The following ST3GAL2 variants were observed in gnomAD, a reference collection of about 807,000 sequenced individuals.
The protein encoded by ST3GAL2 is ST3 beta-galactoside alpha-2,3-sialyltransferase 2, also known as CMP-N-acetylneuraminate-beta-galactosamide-alpha-2,3-sialyltransferase 2.
ST3GAL2 carries 16 observed loss-of-function variants against 37.5 expected under a neutral mutation model. The observed-to-expected ratio is 0.43, with a 90% CI of 0.29 to 0.65. ST3GAL2 has a LOEUF of 0.65. Among genes scored for constraint, ST3GAL2 ranks in the 30% least tolerant of loss-of-function variants. ST3GAL2 has a pLI of 0.17. For missense variants in ST3GAL2, 383 were observed against 487.8 expected (o/e 0.79, Z 2.02); for synonymous variants, 238 against 202.9 (o/e 1.17, Z -1.47).
chr16:70,388,310 A>C, intron 4 of ST3GAL2, 57 bp downstream of exon 4: 9 of 1,605,502 alleles, frequency 5.6e-6, no homozygotes, highest in Non-Finnish European at 7.7e-6. Context: ...CCCCTAGAAG[A>C]CTCTGCCCAA....
rs935005098 is a variant in ST3GAL2 at position 70,381,147 on chromosome 16, G to T, written c.*542C>A. On this transcript the variant is annotated 3_prime_UTR_variant, in exon 7 of 7. Transcript: ENST00000342907. Reference sequence around the variant, plus strand: ...GCCATCCCACAGCGCGGCCGAGGTGGGACTGGGGGTCCCGCAGCGACCGCT... The same window carrying T: ...GCCATCCCACAGCGCGGCCGAGGTGTGACTGGGGGTCCCGCAGCGACCGCT... The T allele has an allele frequency of 6.6e-6, 1 of 152,478 alleles. No individual in the cohort carries two copies. The highest frequency in any genetic ancestry group is 1.5e-5 in the Non-Finnish European group (1 of 68,156). 9.4% of individuals were successfully genotyped at this position (152,478 alleles called of 1,614,324 possible). A position where few individuals can be genotyped will look rare whatever the true frequency, so the allele number is the denominator to read the frequency against.
chr16:70,393,932 C>T (rs1051803894), intron 3 of ST3GAL2, among the ~76,000 whole-genome samples: 2 of 152,168 alleles, frequency 1.3e-5, no homozygotes, highest in Non-Finnish European at 2.9e-5. Context: ...CTAAGAGATG[C>T]GTGAAAACTG....
rs58998342 is a variant in ST3GAL2, at chr16:70,405,540, T to TA, written c.-1003-6008dup. ...TGGGTGACACAGTGAGACTCCGTCT[T>TA]AAAAAAAAAAAAAAAAAAAAAAAAA... On this transcript the variant is annotated intron_variant, in intron 1 of 6. Coordinates refer to ENST00000342907, the MANE Select transcript of ST3GAL2 (RefSeq NM_006927.4). Among the ~76,000 whole-genome samples, 301 of 101,342 alleles carry TA rather than the reference T, an allele frequency of 3.0e-3. 4 individuals are homozygous for TA. The highest frequency in any genetic ancestry group is 0.01 in the East Asian group (36 of 3,460). The allele number at this position is 101,342 out of a possible 152,430, so 66.5% of individuals were successfully genotyped here. A position where few individuals can be genotyped will look rare whatever the true frequency, so the allele number is the denominator to read the frequency against.
At chr16:70,395,861 T>G (rs894140399) in intron 2 of ST3GAL2, among the ~76,000 whole-genome samples, 2 of 152,166 alleles carry the variant, frequency 1.3e-5, no homozygotes, top group Non-Finnish European at 2.9e-5. Flanking sequence ...AGAGGCAACT[T>G]CAGCCAATTG....
Position 70,384,032 on chromosome 16 carries a change from G to A in ST3GAL2, c.714-797C>T, listed in dbSNP as rs550850462. 3.2e-4 allele frequency among the ~76,000 whole-genome samples: 48 copies of A among 151,932 alleles called. No homozygotes were observed. The East Asian group carries it at 3.5e-3, about 11-fold the overall frequency. On this transcript the variant is annotated intron_variant, in intron 4 of 6. Transcript: ENST00000342907. ...ACCACACCTCCCTGTAGCCAGCCAC[G>A]GCCCCCGTAACCTACATGCCCTTCT... is the stretch of plus-strand genomic sequence containing the variant.
chr16:70,401,075 C>T (rs759469296), intron 1 of ST3GAL2: 3 of 152,272 alleles, frequency 2.0e-5, no homozygotes, highest in Admixed American at 6.5e-5. Flanking sequence ...TTCAGGGTCC[C>T]GCTCCCAGCT....
chr16:70,422,459 A>C (rs1201256993), intron 1 of ST3GAL2, among the ~76,000 whole-genome samples: 2 of 152,136 alleles, frequency 1.3e-5, no homozygotes, highest in African/African-American at 2.4e-5. Context: ...TGAGCAGGAG[A>C]AGCAGACAGG....
intron 1 of ST3GAL2, among the ~76,000 whole-genome samples, chr16:70,415,294 T>C (rs1464950755): frequency 1.3e-5 from 2 of 152,140 alleles, no homozygotes; most frequent in African/African-American, 4.8e-5. Context: ...AGCTGACCCT[T>C]ACCGTGAATA....
At position 70,377,298 on chromosome 16, in the gene ST3GAL2, T is replaced by G. The variant is rs959105383; in HGVS notation, c.*4391A>C. Reference sequence around the variant, plus strand: ...GAGTTCAAGACCAGCCTGACCAACATGGAGAAACCCCGTCTCTACTAAAAA... The same window carrying G: ...GAGTTCAAGACCAGCCTGACCAACAGGGAGAAACCCCGTCTCTACTAAAAA... On this transcript the variant is annotated 3_prime_UTR_variant, in exon 7 of 7. Coordinates refer to ENST00000342907, the MANE Select transcript of ST3GAL2 (RefSeq NM_006927.4). 6 of 143,592 alleles carry G rather than the reference T, an allele frequency of 4.2e-5. No individual in the cohort carries two copies. The highest frequency in any genetic ancestry group is 3.5e-4 in the Admixed American group (5 of 14,168). The allele number at this position is 143,592 out of a possible 1,614,324, so 8.9% of individuals were successfully genotyped here. A position where few individuals can be genotyped will look rare whatever the true frequency, so the allele number is the denominator to read the frequency against.
chr16:70,392,528 G>C (rs2047488765), intron 3 of ST3GAL2, among the ~76,000 whole-genome samples: 1 of 152,220 alleles, frequency 6.6e-6, no homozygotes, highest in African/African-American at 2.4e-5. Flanking sequence ...CGTGCCTACT[G>C]TCTAGCGGGC....
intron 1 of ST3GAL2, among the ~76,000 whole-genome samples, chr16:70,431,992 T>TC (rs2047794617): frequency 6.6e-6 from 1 of 151,016 alleles, no homozygotes; most frequent in African/African-American, 2.4e-5. Flanking sequence ...TATATTTTTT[T>TC]TTAACTTAGC....
chr16:70,397,777 A>G (rs999680615), intron 2 of ST3GAL2, among the ~76,000 whole-genome samples: 1 of 152,198 alleles, frequency 6.6e-6, no homozygotes, highest in African/African-American at 2.4e-5. Context: ...ATGTTCATAA[A>G]TTAGGATATT....
intron 1 of ST3GAL2, among the ~76,000 whole-genome samples, chr16:70,404,597 G>A (rs1004319065): frequency 2.6e-5 from 4 of 152,164 alleles, no homozygotes; most frequent in African/African-American, 9.7e-5. Flanking sequence ...TTTGCTATTG[G>A]GAATGTGAAA....
intron 1 of ST3GAL2, among the ~76,000 whole-genome samples, chr16:70,419,330 G>T (rs1281949177): frequency 6.6e-6 from 1 of 152,212 alleles, no homozygotes; most frequent in African/African-American, 2.4e-5. Context: ...TCTATCCCCA[G>T]ATCCTGTTAG....
intron 1 of ST3GAL2, among the ~76,000 whole-genome samples, chr16:70,431,127 T>A (rs1265956549): frequency 1.0e-4 from 1 of 9,774 alleles, no homozygotes; most frequent in Non-Finnish European, 2.0e-4. Context: ...GGTGGAGAGG[T>A]GGGGGTGGCA....
chr16:70,438,464 G>C lies in ST3GAL2; in HGVS notation c.-1004+485C>G, dbSNP rs753284052. ...ACTGGGCCACTGAGGATGGTTAGGG[G>C]GCAGTGCCAGGTAGGGGAAAGATCA... On this transcript the variant is annotated intron_variant, in intron 1 of 6. Coordinates refer to ENST00000342907, the MANE Select transcript of ST3GAL2 (RefSeq NM_006927.4). Among the ~76,000 whole-genome samples, 30 of 152,310 alleles carry C rather than the reference G, an allele frequency of 2.0e-4. 1 individual carries two copies. Among genetic ancestry groups the C allele is most frequent in the Admixed American group, 1.9e-3 (29 of 15,298 alleles).
chr16:70,427,247 T>C (rs2047757710), intron 1 of ST3GAL2, among the ~76,000 whole-genome samples: 3 of 151,996 alleles, frequency 2.0e-5, no homozygotes, highest in African/African-American at 7.3e-5. Flanking sequence ...TATACCTTAG[T>C]AGAGGTATCC....
intron 1 of ST3GAL2, among the ~76,000 whole-genome samples, chr16:70,422,609 C>T (rs2047722740): frequency 6.6e-6 from 1 of 152,288 alleles, no homozygotes; most frequent in Admixed American, 6.5e-5. Flanking sequence ...AACTCAGGAG[C>T]TGGTGAGCAT....
In ST3GAL2 at chr16:70,398,926, G is replaced by T. The variant is rs2047536429; in HGVS notation, c.-396C>A. The T allele has an allele frequency of 2.2e-6, 1 of 455,326 alleles. No individual in the cohort carries two copies. Among genetic ancestry groups the T allele is most frequent in the Non-Finnish European group, 3.8e-6 (1 of 259,938 alleles). 28.2% of individuals were successfully genotyped at this position (455,326 alleles called of 1,614,324 possible). A position where few individuals can be genotyped will look rare whatever the true frequency, so the allele number is the denominator to read the frequency against. On this transcript the variant is annotated 5_prime_UTR_variant, in exon 2 of 7. Transcript: ENST00000342907. ...TTGGCGGCTTGAAATAATCCAGTCTGGAGCAGTCGGGGTCCTTGTGGTTCA... is the reference window on the plus strand; with the variant it reads ...TTGGCGGCTTGAAATAATCCAGTCTTGAGCAGTCGGGGTCCTTGTGGTTCA...
Sources: gnomAD v4.1 joint callset for allele counts (sites outside exome capture counted in the v4.1 genomes callset) on GRCh38, gnomAD v4.1.1 for gene constraint, MANE v1.5 for transcripts, NCBI Gene and HGNC (gene_info 2026-07-23, HGNC 2026-07-21) for gene names.